The following LYPD1 variants were observed in gnomAD, a reference collection of about 807,000 sequenced individuals.
LYPD1 encodes LY6/PLAUR domain containing 1, also known as ly6/PLAUR domain-containing protein 1.
In LYPD1, 14 loss-of-function variants were observed where a neutral mutation model predicts 14.2. The observed-to-expected ratio is 0.99, with a 90% CI of 0.65 to 1.54. The LOEUF (loss-of-function observed/expected upper bound fraction) is 1.54. LYPD1 is among the 40% of genes most tolerant of loss of function. LYPD1 has a pLI of 0.00. For synonymous variants in LYPD1, 85 were observed against 70.6 expected (o/e 1.20, Z -1.02); for missense variants, 165 against 175.7 (o/e 0.94, Z 0.34).
At position 132,645,266 on chromosome 2, in the gene LYPD1, C is replaced by G; in HGVS notation, c.*779G>C. ...TTCTACCTCAGCTCGGTCATCAACC[C>G]GCTCCTGTACACGGTGTCCTCGCAG... On this transcript the variant is annotated 3_prime_UTR_variant, in exon 3 of 3. Coordinates refer to ENST00000397463, the MANE Select transcript of LYPD1 (RefSeq NM_144586.7). 6.2e-7 allele frequency: 1 copy of G among 1,614,192 alleles called. No individual in the cohort carries two copies.
chr2:132,666,443 C>T (rs552298004), intron 2 of LYPD1, among the ~76,000 whole-genome samples: 3 of 152,154 alleles, frequency 2.0e-5, no homozygotes, highest in African/African-American at 7.2e-5. Flanking sequence ...TTGAGTTCAT[C>T]GACTGCTTCT....
intron 2 of LYPD1, among the ~76,000 whole-genome samples, chr2:132,663,459 G>C (rs1683085053): frequency 6.6e-6 from 1 of 152,038 alleles, no homozygotes; most frequent in Admixed American, 6.5e-5. Flanking sequence ...GTTTTTAGTA[G>C]AGATGGAGTT....
chr2:132,645,681 CA>C lies in LYPD1; in HGVS notation c.*363del, dbSNP rs1367535326. 33 of 1,526,522 alleles carry C rather than the reference CA, an allele frequency of 2.2e-5. No homozygotes were observed. Among genetic ancestry groups the C allele is most frequent in the Non-Finnish European group, 2.9e-5 (33 of 1,137,030 alleles). The allele number at this position is 1,526,522 out of a possible 1,614,324, so 94.6% of individuals were successfully genotyped here. A position where few individuals can be genotyped will look rare whatever the true frequency, so the allele number is the denominator to read the frequency against. ...AAACGTCACTCTCACTCTGCAGTCTCAAACTATGCCCCCATCAGGGATGGAA... is the reference window on the plus strand; with the variant it reads ...AAACGTCACTCTCACTCTGCAGTCTCAACTATGCCCCCATCAGGGATGGAA... On this transcript the variant is annotated 3_prime_UTR_variant, in exon 3 of 3. Transcript: ENST00000397463.
intron 2 of LYPD1, among the ~76,000 whole-genome samples, chr2:132,661,681 T>C (rs1383650489): frequency 6.6e-6 from 1 of 152,098 alleles, no homozygotes; most frequent in African/African-American, 2.4e-5. Context: ...ATGTCCAGCA[T>C]AGGCAAATCC....
intron 2 of LYPD1, chr2:132,660,618 T>G (rs1486112860): frequency 6.6e-6 from 1 of 152,206 alleles, no homozygotes. Flanking sequence ...TATGGCCTCT[T>G]TTGGTGTTCC....
chr2:132,656,118 C>T (rs1165219001), intron 2 of LYPD1, among the ~76,000 whole-genome samples: 1 of 152,206 alleles, frequency 6.6e-6, no homozygotes, highest in African/African-American at 2.4e-5. Flanking sequence ...AAAACAGAGG[C>T]ATGGAGACTG....
Position 132,645,577 on chromosome 2 carries a change from G to T in LYPD1, c.*468C>A. 6.2e-7 allele frequency: 1 copy of T among 1,613,954 alleles called. No homozygotes were observed. Among genetic ancestry groups the T allele is most frequent in the South Asian group, 1.1e-5 (1 of 91,048 alleles). On this transcript the variant is annotated 3_prime_UTR_variant, in exon 3 of 3. Transcript: ENST00000397463. ...CGCGAAACCAGCCAATTCTGCTGCA[G>T]AGAATGGTTTTCAGGAGCATGAAGT...
In LYPD1 at chr2:132,645,486, G is replaced by C; in HGVS notation, c.*559C>G. On this transcript the variant is annotated 3_prime_UTR_variant, in exon 3 of 3. Coordinates refer to ENST00000397463, the MANE Select transcript of LYPD1 (RefSeq NM_144586.7). ...AGAAGATTTTCTTAAGCACTTTTCA[G>C]AGCGAGGCCGAGCCCCAGTCTAAGT... The C allele has an allele frequency of 6.2e-7, 1 of 1,613,866 alleles. No homozygotes were observed. The highest frequency in any genetic ancestry group is 1.7e-5 in the Admixed American group (1 of 60,030).
intron 2 of LYPD1, among the ~76,000 whole-genome samples, chr2:132,663,910 G>C (rs988603119): frequency 6.6e-6 from 1 of 152,128 alleles, no homozygotes; most frequent in Non-Finnish European, 1.5e-5. Flanking sequence ...CATGGATTAA[G>C]GAATTTGTGA....
intron 2 of LYPD1, among the ~76,000 whole-genome samples, chr2:132,651,138 G>A (rs2104901666): frequency 6.6e-6 from 1 of 152,338 alleles, no homozygotes; most frequent in South Asian, 2.1e-4. Flanking sequence ...CAGGATAGGA[G>A]TGGGAAAAAG....
intron 2 of LYPD1, among the ~76,000 whole-genome samples, chr2:132,664,233 G>A (rs925280896): frequency 2.0e-5 from 3 of 152,090 alleles, no homozygotes; most frequent in African/African-American, 4.8e-5. Context: ...TTTAGATCTC[G>A]GGGAAATTAA....
chr2:132,652,090 T>C (rs550410562), intron 2 of LYPD1, among the ~76,000 whole-genome samples: 21 of 152,306 alleles, frequency 1.4e-4, no homozygotes, highest in African/African-American at 4.6e-4. Context: ...GAGAAGGTCA[T>C]GACCAAGAAC....
Position 132,644,943 on chromosome 2 carries a change from A to G in LYPD1, c.*1102T>C, listed in dbSNP as rs547906872. On this transcript the variant is annotated 3_prime_UTR_variant, in exon 3 of 3. Transcript: ENST00000397463. ...TTAAATTCTCTCTTGCTTGTGGCAA[A>G]AGAAGCTGTCAAGTCCAACACTGAA... is the stretch of plus-strand genomic sequence containing the variant. The G allele has an allele frequency of 6.5e-5, 50 of 772,084 alleles. No homozygotes were observed. The East Asian group carries it at 1.3e-3, about 20-fold the overall frequency. 47.8% of individuals were successfully genotyped at this position (772,084 alleles called of 1,614,324 possible). A position where few individuals can be genotyped will look rare whatever the true frequency, so the allele number is the denominator to read the frequency against.
At chr2:132,662,826 G>T (rs530477561) in intron 2 of LYPD1, among the ~76,000 whole-genome samples, 8 of 152,286 alleles carry the variant, frequency 5.3e-5, no homozygotes, top group African/African-American at 1.7e-4. Context: ...CAGCTTTCAT[G>T]CAATCATAGT....
At chr2:132,662,959 T>C (rs1683048357) in intron 2 of LYPD1, 1 of 152,210 alleles carries the variant, frequency 6.6e-6, no homozygotes. Context: ...CTTCACTCAC[T>C]GGGAGAGTCC....
At chr2:132,662,334 C>T (rs1573749473) in intron 2 of LYPD1, among the ~76,000 whole-genome samples, 1 of 152,138 alleles carries the variant, frequency 6.6e-6, no homozygotes, top group Admixed American at 6.5e-5. Flanking sequence ...AAACAGTCAG[C>T]CTGTTTCTAC....
chr2:132,668,348 CCACCCCA>C (rs1683404228), intron 2 of LYPD1, 45 bp downstream of exon 2: 2 of 1,540,004 alleles, frequency 1.3e-6, no homozygotes, highest in Admixed American at 2.1e-5. Flanking sequence ...CCCCTCACTC[CCACCCCA>C]CAGCCCAGGC....
At chr2:132,666,735 A>G (rs1330113341) in intron 2 of LYPD1, 3 of 152,216 alleles carry the variant, frequency 2.0e-5, no homozygotes, top group Non-Finnish European at 1.5e-5. Context: ...AGTGTGTGGT[A>G]TTCATCTTAG....
At chr2:132,657,156 T>A (rs1034651889) in intron 2 of LYPD1, among the ~76,000 whole-genome samples, 1 of 152,222 alleles carries the variant, frequency 6.6e-6, no homozygotes, top group East Asian at 1.9e-4. Flanking sequence ...TCAACTTAAT[T>A]ATAGCAAGCA....
Sources: allele counts gnomAD v4.1 joint callset (sites outside exome capture counted in the v4.1 genomes callset), GRCh38; gene constraint gnomAD v4.1.1; transcripts MANE v1.5; gene names NCBI Gene and HGNC (gene_info 2026-07-23, HGNC 2026-07-21).